The following EPM2A variants were observed in gnomAD, a reference collection of about 807,000 sequenced individuals.
The protein encoded by EPM2A is laforin.
In EPM2A, 21 loss-of-function variants were observed where a neutral mutation model predicts 26.5. The ratio of observed to expected loss-of-function variants is 0.79; its 90% CI spans 0.56 to 1.14. The LOEUF (loss-of-function observed/expected upper bound fraction) is 1.14. Among genes scored for constraint, EPM2A ranks in the 50% most tolerant of loss-of-function variants. EPM2A has a pLI of 0.00. For synonymous variants in EPM2A, 217 were observed against 177.6 expected (o/e 1.22, Z -1.76); for missense variants, 458 against 440.8 (o/e 1.04, Z -0.35).
chr6:145,665,632 G>C (rs1041609225), intron 2 of EPM2A, among the ~76,000 whole-genome samples: 34 of 147,032 alleles, frequency 2.3e-4, no homozygotes, highest in Admixed American at 4.1e-4. Context: ...CCAATCAATA[G>C]AAAAAGAGGG....
chr6:145,726,977 T>C (rs972123427), intron 1 of EPM2A, among the ~76,000 whole-genome samples: 4 of 152,140 alleles, frequency 2.6e-5, no homozygotes, highest in Admixed American at 2.6e-4. Flanking sequence ...AAGGAGTATA[T>C]AAGAACACTC....
chr6:145,425,722 T>C (rs1242825719), intron 4 of EPM2A, among the ~76,000 whole-genome samples: 1 of 151,936 alleles, frequency 6.6e-6, no homozygotes, highest in Non-Finnish European at 1.5e-5. Context: ...TTTCAGGCTG[T>C]GGTTTGATTC....
intron 2 of EPM2A, among the ~76,000 whole-genome samples, chr6:145,553,407 G>A (rs749826631): frequency 3.3e-5 from 5 of 152,160 alleles, no homozygotes; most frequent in Admixed American, 6.5e-5. Flanking sequence ...CCTCAGTAGC[G>A]TGGCTAACGA....
At chr6:145,448,110 G>A (rs1779148670) in intron 4 of EPM2A, among the ~76,000 whole-genome samples, 1 of 152,016 alleles carries the variant, frequency 6.6e-6, no homozygotes, top group Non-Finnish European at 1.5e-5. Context: ...CTCTCAAAGG[G>A]CACAAGAGTA....
chr6:145,483,440 C>G (rs1267651156), intron 4 of EPM2A, among the ~76,000 whole-genome samples: 1 of 152,044 alleles, frequency 6.6e-6, no homozygotes, highest in Non-Finnish European at 1.5e-5. Flanking sequence ...GTTTTTTAGC[C>G]TCTTATATTT....
intron 4 of EPM2A, among the ~76,000 whole-genome samples, chr6:145,409,061 G>A (rs1260374618): frequency 6.6e-6 from 1 of 152,136 alleles, no homozygotes; most frequent in African/African-American, 2.4e-5. Flanking sequence ...CAGGAAATTA[G>A]AAGTGTTTAT....
chr6:145,415,982 G>A (rs551281976), intron 4 of EPM2A, among the ~76,000 whole-genome samples: 5 of 152,084 alleles, frequency 3.3e-5, no homozygotes, highest in Non-Finnish European at 7.4e-5. Flanking sequence ...CCTGACTTAC[G>A]CCAGAAGACT....
intron 2 of EPM2A, among the ~76,000 whole-genome samples, chr6:145,596,937 G>T (rs1781353147): frequency 9.2e-6 from 1 of 108,520 alleles, no homozygotes; most frequent in South Asian, 3.2e-4. Context: ...GCCCAGGCCG[G>T]ACTGCGGACT....
Position 145,625,437 on chromosome 6 carries a change from A to T in EPM2A, c.*1979T>A. ...GTCCTAAACTGATTTTGTCTATCAGAGCAAAAGGAACAAAGGTAAAAATCC... is the reference window on the plus strand; with the variant it reads ...GTCCTAAACTGATTTTGTCTATCAGTGCAAAAGGAACAAAGGTAAAAATCC... On this transcript the variant is annotated 3_prime_UTR_variant, in exon 4 of 4. Coordinates refer to ENST00000367519, the MANE Select transcript of EPM2A (RefSeq NM_005670.4). 2.1e-6 allele frequency: 1 copy of T among 468,974 alleles called. No homozygotes were observed. Among genetic ancestry groups the T allele is most frequent in the South Asian group, 2.9e-5 (1 of 33,962 alleles). The allele number at this position is 468,974 out of a possible 1,614,324, so 29.1% of individuals were successfully genotyped here. A position where few individuals can be genotyped will look rare whatever the true frequency, so the allele number is the denominator to read the frequency against.
chr6:145,685,550 A>G (rs1780844518), intron 2 of EPM2A, among the ~76,000 whole-genome samples: 1 of 152,188 alleles, frequency 6.6e-6, no homozygotes, highest in Non-Finnish European at 1.5e-5. Context: ...AACTAACCAT[A>G]AAGTGATTAA....
intron 2 of EPM2A, among the ~76,000 whole-genome samples, chr6:145,571,163 G>A (rs145774122): frequency 7.6e-5 from 11 of 144,540 alleles, no homozygotes; most frequent in South Asian, 7.4e-4. Context: ...TCCTGGCCCC[G>A]TGAATCCTGG....
At chr6:145,686,026 T>C in intron 2 of EPM2A, 96 bp downstream of exon 2, 1 of 1,105,128 alleles carries the variant, frequency 9.0e-7, no homozygotes. Context: ...CCCTCCCAAG[T>C]GAGGCACTGC....
chr6:145,715,207 T>C (rs1207744714), intron 1 of EPM2A, among the ~76,000 whole-genome samples: 3 of 152,134 alleles, frequency 2.0e-5, no homozygotes, highest in African/African-American at 7.2e-5. Flanking sequence ...CAGTTCAGGA[T>C]CAAGGGTGGC....
intron 2 of EPM2A, among the ~76,000 whole-genome samples, chr6:145,668,400 A>G (rs1393061816): frequency 1.3e-5 from 2 of 152,204 alleles, no homozygotes; most frequent in Non-Finnish European, 2.9e-5. Context: ...AGGTCCTTGG[A>G]GAGAAAAAAA....
chr6:145,533,807 C>G (rs1780394648), intron 2 of EPM2A, among the ~76,000 whole-genome samples: 1 of 152,156 alleles, frequency 6.6e-6, no homozygotes, highest in Non-Finnish European at 1.5e-5. Flanking sequence ...CTGCACATCA[C>G]TTATTTCTTT....
At chr6:145,575,621 C>A (rs559877212) in intron 2 of EPM2A, among the ~76,000 whole-genome samples, 1 of 152,138 alleles carries the variant, frequency 6.6e-6, no homozygotes, top group Admixed American at 6.6e-5. Context: ...TTCCTTGTTT[C>A]TCCACAAGTT....
At chr6:145,400,366 C>T (rs748390751) in intron 4 of EPM2A, among the ~76,000 whole-genome samples, 7 of 152,170 alleles carry the variant, frequency 4.6e-5, no homozygotes, top group Non-Finnish European at 8.8e-5. Context: ...CAGAAAGTCA[C>T]GTCTCATTAT....
At chr6:145,428,788 C>T (rs1265030627) in intron 4 of EPM2A, among the ~76,000 whole-genome samples, 1 of 152,220 alleles carries the variant, frequency 6.6e-6, no homozygotes, top group Admixed American at 6.5e-5. Context: ...ACCTTATCTT[C>T]TTCATCGCAC....
At chr6:145,702,834 C>G (rs1410536691) in intron 1 of EPM2A, among the ~76,000 whole-genome samples, 1 of 152,168 alleles carries the variant, frequency 6.6e-6, no homozygotes, top group African/African-American at 2.4e-5. Flanking sequence ...CTGCCCAACC[C>G]CTGCCCAACC....
Sources: allele counts gnomAD v4.1 joint callset (sites outside exome capture counted in the v4.1 genomes callset), GRCh38; gene constraint gnomAD v4.1.1; transcripts MANE v1.5; gene names NCBI Gene and HGNC (gene_info 2026-07-23, HGNC 2026-07-21).